The following ZNF639 variants were observed in gnomAD, a reference collection of about 807,000 sequenced individuals.
ZNF639 encodes zinc finger amplified in esophageal squamous cell carcinomas 1.
Under a neutral mutation model 39.8 loss-of-function variants are expected in ZNF639, and 20 were observed. The ratio of observed to expected loss-of-function variants is 0.50; its 90% CI spans 0.35 to 0.73. ZNF639 has a LOEUF of 0.73. ZNF639 is among the 30% of genes least tolerant of loss of function. ZNF639 has a pLI of 0.00. For synonymous variants in ZNF639, 176 were observed against 189.8 expected (o/e 0.93, Z 0.60); for missense variants, 477 against 566.2 (o/e 0.84, Z 1.60).
In ZNF639 at chr3:179,336,348, ATTGATATAAGTGGAAGATCAATT is replaced by A. The variant is rs1711527003; in HGVS notation, c.*1928_*1950del. 2.6e-5 allele frequency: 4 copies of A among 152,134 alleles called. No individual in the cohort carries two copies. Among genetic ancestry groups the A allele is most frequent in the Admixed American group, 1.3e-4 (2 of 15,270 alleles). The allele number at this position is 152,134 out of a possible 1,614,324, so 9.4% of individuals were successfully genotyped here. A position where few individuals can be genotyped will look rare whatever the true frequency, so the allele number is the denominator to read the frequency against. ...ACTGCTAACATTATTTTTTAGGTTT[ATTGATATAAGTGGAAGATCAATT>A]TATGACCAATGATTTTCCCACTTCA... On this transcript the variant is annotated 3_prime_UTR_variant, in exon 6 of 6. Coordinates refer to ENST00000496856, the MANE Select transcript of ZNF639 (RefSeq NM_001303426.2).
rs1218913284 is a variant in ZNF639, at chr3:179,336,092, A to C, written c.*1670A>C. 2.6e-5 allele frequency: 4 copies of C among 152,104 alleles called. No individual in the cohort carries two copies. Among genetic ancestry groups the C allele is most frequent in the African/African-American group, 9.7e-5 (4 of 41,408 alleles). 9.4% of individuals were successfully genotyped at this position (152,104 alleles called of 1,614,324 possible). ...AGGCATGAGGCACCGCCCCAGGCCA[A>C]ATTTCTTGTTTTTATAAAGACTCCA... On this transcript the variant is annotated 3_prime_UTR_variant, in exon 6 of 6. Transcript: ENST00000496856.
Position 179,333,790 on chromosome 3 carries a change from A to G in ZNF639, c.826A>G (p.Ser276Gly). 1.2e-6 allele frequency: 2 copies of G among 1,614,204 alleles called. No individual in the cohort carries two copies. The highest frequency in any genetic ancestry group is 1.7e-6 in the Non-Finnish European group (2 of 1,180,038). ...TAAGACAGTAATTTTTGAGAACCTC[A>G]GCCAGCACATTGCAGACACCCATTT... ...DYKTVIFENL[S>G]QHIADTHFSD... Residue 276 changes from serine to glycine, a missense_variant, in exon 6 of 6, where the codon AGC becomes GGC. Transcript: ENST00000496856.
rs535539743 is a variant in ZNF639, at chr3:179,336,662, T to A, written c.*2240T>A. On this transcript the variant is annotated 3_prime_UTR_variant, in exon 6 of 6. Transcript: ENST00000496856. ...TTGCAGAAATAGAAATGTAGATAGC[T>A]ATGAGGCCAAGTACATATAACCAGT... 6.6e-6 allele frequency: 1 copy of A among 152,368 alleles called. No homozygotes were observed. Among genetic ancestry groups the A allele is most frequent in the East Asian group, 1.9e-4 (1 of 5,192 alleles). 9.4% of individuals were successfully genotyped at this position (152,368 alleles called of 1,614,324 possible).
At chr3:179,322,960 G>T, upstream of ZNF639, 1 of 985,110 alleles carries the variant, frequency 1.0e-6, no homozygotes, top group Non-Finnish European at 1.2e-6. Context: ...CCGCGTGTGC[G>T]GTGCGTTCGC....
Position 179,333,822 on chromosome 3 carries a change from T to A in ZNF639, c.858T>A (p.Asp286Glu). The change falls in exon 6 of 6, where the codon GAT becomes GAA. Residue 286 changes from aspartate (D) to glutamate (E), a missense_variant. Asp to Glu is a conservative substitution (Grantham distance 45). Transcript: ENST00000496856. ...ACATTGCAGACACCCATTTTAGTGATCACCTCTATTGGTGTGAACAGTGTG... is the reference window on the plus strand; with the variant it reads ...ACATTGCAGACACCCATTTTAGTGAACACCTCTATTGGTGTGAACAGTGTG... Reference protein sequence around the residue: ...SQHIADTHFSDHLYWCEQCDV... With the variant: ...SQHIADTHFSEHLYWCEQCDV... 6.2e-7 allele frequency: 1 copy of A among 1,614,210 alleles called. No individual in the cohort carries two copies. The highest frequency in any genetic ancestry group is 8.5e-7 in the Non-Finnish European group (1 of 1,180,032).
chr3:179,332,862 T>C (rs1727990087), intron 4 of ZNF639, 127 bp from the exon 5 acceptor site: 27 of 1,304,550 alleles, frequency 2.1e-5, no homozygotes, highest in Non-Finnish European at 2.6e-5. Flanking sequence ...CTTATCTTTT[T>C]ATGACTAAAT....
chr3:179,336,627 T>G lies in ZNF639; in HGVS notation c.*2205T>G, dbSNP rs1295206018. On this transcript the variant is annotated 3_prime_UTR_variant, in exon 6 of 6. Transcript: ENST00000496856. ...GCATCTGGTCTAAACCCTCCAGTTT[T>G]CTAAGTTCCTTGCAGAAATAGAAAT... The G allele has an allele frequency of 6.6e-6, 1 of 152,236 alleles. No individual in the cohort carries two copies. The highest frequency in any genetic ancestry group is 1.5e-5 in the Non-Finnish European group (1 of 68,034). The allele number at this position is 152,236 out of a possible 1,614,324, so 9.4% of individuals were successfully genotyped here.
Position 179,334,764 on chromosome 3 carries a change from T to TA in ZNF639, c.*346dup, listed in dbSNP as rs1371133778. On this transcript the variant is annotated 3_prime_UTR_variant, in exon 6 of 6. Transcript: ENST00000496856. ...TTAACCATGGGTGCTAGTAACTTTT[T>TA]AAAACTCAAGACAAGATTAGTTTTT... The TA allele has an allele frequency of 6.3e-6, 1 of 158,634 alleles. No individual in the cohort carries two copies. Among genetic ancestry groups the TA allele is most frequent in the Non-Finnish European group, 1.4e-5 (1 of 72,738 alleles). 9.8% of individuals were successfully genotyped at this position (158,634 alleles called of 1,614,324 possible). A position where few individuals can be genotyped will look rare whatever the true frequency, so the allele number is the denominator to read the frequency against.
Position 179,333,199 on chromosome 3 carries a change from T to G in ZNF639, c.305-70T>G, listed in dbSNP as rs1053069253. Reference sequence around the variant, plus strand: ...AAAAAAAGTGCATGCAATAAATTTTTTTTTGCCCAGTTGTATTTAACAGAT... The same window carrying G: ...AAAAAAAGTGCATGCAATAAATTTTGTTTTGCCCAGTTGTATTTAACAGAT... On this transcript the variant is annotated intron_variant, in intron 5 of 5. Coordinates refer to ENST00000496856, the MANE Select transcript of ZNF639 (RefSeq NM_001303426.2). 4 of 1,556,518 alleles carry G rather than the reference T, an allele frequency of 2.6e-6. No homozygotes were observed. In the African/African-American group the frequency reaches 5.5e-5, roughly 22 times the overall value.
upstream of ZNF639, chr3:179,322,962 T>C: frequency 1.0e-6 from 1 of 984,916 alleles, no homozygotes; most frequent in Non-Finnish European, 1.2e-6. Context: ...GCGTGTGCGG[T>C]GCGTTCGCGC....
intron 3 of ZNF639, among the ~76,000 whole-genome samples, chr3:179,329,217 CTA>C (rs1727767371): frequency 6.6e-6 from 1 of 152,156 alleles, no homozygotes; most frequent in Non-Finnish European, 1.5e-5. Context: ...CTTGAAATGA[CTA>C]TATTCAGAAG....
intron 4 of ZNF639, among the ~76,000 whole-genome samples, chr3:179,330,838 G>A (rs568140361): frequency 3.9e-5 from 6 of 152,288 alleles, no homozygotes; most frequent in South Asian, 4.1e-4. Context: ...TAGAGACATC[G>A]GTATGAATTC....
rs1276325046 is a variant in ZNF639 at position 179,336,895 on chromosome 3, T to G, written c.*2473T>G. The G allele has an allele frequency of 6.6e-6, 1 of 152,254 alleles. No individual in the cohort carries two copies. The highest frequency in any genetic ancestry group is 1.5e-5 in the Non-Finnish European group (1 of 68,048). 9.4% of individuals were successfully genotyped at this position (152,254 alleles called of 1,614,324 possible). On this transcript the variant is annotated 3_prime_UTR_variant, in exon 6 of 6. Coordinates refer to ENST00000496856, the MANE Select transcript of ZNF639 (RefSeq NM_001303426.2). ...TGGATTTTTGGAAAAACACCTTAAG[T>G]AATGCCTTGGTTTGTTTGTTTTCTT...
At position 179,338,417 on chromosome 3, in the gene ZNF639, A is replaced by G. The variant is rs555825469; in HGVS notation, c.*3995A>G. 6.6e-6 allele frequency: 1 copy of G among 152,308 alleles called. No individual in the cohort carries two copies. Among genetic ancestry groups the G allele is most frequent in the African/African-American group, 2.4e-5 (1 of 41,564 alleles). The allele number at this position is 152,308 out of a possible 1,614,324, so 9.4% of individuals were successfully genotyped here. A position where few individuals can be genotyped will look rare whatever the true frequency, so the allele number is the denominator to read the frequency against. On this transcript the variant is annotated 3_prime_UTR_variant, in exon 6 of 6. Transcript: ENST00000496856. ...AAAGCCTCTTCTTTTCCTGCTTATA[A>G]ATTTGCCAATTTTGCCATTTTAAAT...
intron 1 of ZNF639, chr3:179,324,849 AGTGTTCTCC>A (rs377710771): frequency 6.6e-6 from 1 of 152,352 alleles, no homozygotes; most frequent in African/African-American, 2.4e-5. Flanking sequence ...GAGTGTTTTC[AGTGTTCTCC>A]CTGATACTTT....
chr3:179,335,026 T>C lies in ZNF639; in HGVS notation c.*604T>C, dbSNP rs1210919189. ...TAATAAGGGCTTACACAATAAAAAATAACTATATCATAACTCATTCATAAC... is the reference window on the plus strand; with the variant it reads ...TAATAAGGGCTTACACAATAAAAAACAACTATATCATAACTCATTCATAAC... On this transcript the variant is annotated 3_prime_UTR_variant, in exon 6 of 6. Transcript: ENST00000496856. 1.3e-5 allele frequency: 2 copies of C among 152,156 alleles called. 1 individual carries two copies. Among genetic ancestry groups the C allele is most frequent in the Non-Finnish European group, 2.9e-5 (2 of 68,014 alleles). The allele number at this position is 152,156 out of a possible 1,614,324, so 9.4% of individuals were successfully genotyped here. A position where few individuals can be genotyped will look rare whatever the true frequency, so the allele number is the denominator to read the frequency against.
At chr3:179,326,947 T>C (rs181115747) in intron 1 of ZNF639, among the ~76,000 whole-genome samples, 1 of 152,068 alleles carries the variant, frequency 6.6e-6, no homozygotes, top group East Asian at 1.9e-4. Context: ...CCCAGCACTT[T>C]GGGAGGCCCA....
chr3:179,333,364 A>C lies in ZNF639; in HGVS notation c.400A>C (p.Thr134Pro). The change falls in exon 6 of 6, where the codon ACT becomes CCT. Residue 134 changes from threonine to proline, a missense_variant. By Grantham distance (38) the Thr-to-Pro change is conservative. Coordinates refer to ENST00000496856, the MANE Select transcript of ZNF639 (RefSeq NM_001303426.2). ...AGAGGAGAGTCCTATAGAAGTTCACACTGCTGAAGATGTTCCAATTGCTGT... is the reference window on the plus strand; with the variant it reads ...AGAGGAGAGTCCTATAGAAGTTCACCCTGCTGAAGATGTTCCAATTGCTGT... The part of the protein sequence containing the change: ...TQEESPIEVH[T>P]AEDVPIAVEV... 1 of 1,614,152 alleles carries C rather than the reference A, an allele frequency of 6.2e-7. No individual in the cohort carries two copies. Among genetic ancestry groups the C allele is most frequent in the Non-Finnish European group, 8.5e-7 (1 of 1,180,008 alleles).
In ZNF639 at chr3:179,327,633, T is replaced by G. The variant is rs1727671052; in HGVS notation, c.-12+2T>G. The stretch of plus-strand genomic sequence containing the variant: ...CTCCAGTAGTAAGAATTATACCAAG[T>G]AAGTGGACTGTATTGAAACTAATTA... On this transcript the variant is annotated splice_donor_variant, in intron 2 of 5. Coordinates refer to ENST00000496856, the MANE Select transcript of ZNF639 (RefSeq NM_001303426.2). LOFTEE classifies it low-confidence loss of function (5UTR_SPLICE). 6.6e-6 allele frequency: 1 copy of G among 152,232 alleles called. No individual in the cohort carries two copies. Among genetic ancestry groups the G allele is most frequent in the South Asian group, 2.1e-4 (1 of 4,828 alleles). The allele number at this position is 152,232 out of a possible 1,614,324, so 9.4% of individuals were successfully genotyped here. A position where few individuals can be genotyped will look rare whatever the true frequency, so the allele number is the denominator to read the frequency against.
Sources: gnomAD v4.1 joint callset for allele counts (sites outside exome capture counted in the v4.1 genomes callset) on GRCh38, gnomAD v4.1.1 for gene constraint, MANE v1.5 for transcripts, NCBI Gene and HGNC (gene_info 2026-07-23, HGNC 2026-07-21) for gene names.